The following MTUS2 variants were observed in gnomAD, a reference collection of about 807,000 sequenced individuals.
MTUS2 encodes the protein microtubule associated scaffold protein 2.
MTUS2 carries 40 observed loss-of-function variants against 114.1 expected under a neutral mutation model. The ratio of observed to expected loss-of-function variants is 0.35; its 90% CI spans 0.27 to 0.46. MTUS2 has a LOEUF of 0.46. Among genes scored for constraint, MTUS2 ranks in the 20% least tolerant of loss-of-function variants. MTUS2 has a pLI of 1.00. For synonymous variants in MTUS2, 688 were observed against 672.0 expected, an observed-to-expected ratio of 1.02 and a Z score of -0.37; for missense variants, 1,679 against 1,705.4, an observed-to-expected ratio of 0.98 and a Z score of 0.27.
rs759337479 is a variant in MTUS2 at position 29,324,650 on chromosome 13, T to C, written c.2844T>C (p.Asn948=). The C allele has an allele frequency of 1.9e-6, 3 of 1,596,134 alleles. No individual in the cohort carries two copies. The Admixed American group carries it at 5.2e-5, about 28-fold the overall frequency. ...KKDAQKDQDT[N]KPAVSSPKRV... is the part of the protein sequence containing the mutation. ...ATGCTCAGAAAGATCAAGATACGAA[T>C]AAACCTGCTGTTTCATCTCCTAAGA... Residue 948 remains asparagine (N), a synonymous_variant, in exon 7 of 16, where the codon AAT becomes AAC. Transcript: ENST00000612955.
At chr13:29,487,851 G>C (rs1364730946) in intron 10 of MTUS2, 49 bp from the exon 11 acceptor site, 4 of 1,430,208 alleles carry the variant, frequency 2.8e-6, no homozygotes, top group Non-Finnish European at 3.9e-6. Flanking sequence ...TTCCACTTCT[G>C]TTCTCCAAGC....
At chr13:29,057,499 T>A (rs1197742815) in intron 4 of MTUS2, among the ~76,000 whole-genome samples, 2 of 152,168 alleles carry the variant, frequency 1.3e-5, no homozygotes, top group Non-Finnish European at 2.9e-5. Context: ...TGCATATGTA[T>A]TTAGGATAGT....
chr13:28,878,670 T>C (rs1480978583), intron 2 of MTUS2, among the ~76,000 whole-genome samples: 1 of 152,256 alleles, frequency 6.6e-6, no homozygotes, highest in African/African-American at 2.4e-5. Context: ...CTCATTCCTT[T>C]TTATGGCTGC....
At chr13:29,464,204 C>T (rs1201928304) in intron 9 of MTUS2, among the ~76,000 whole-genome samples, 1 of 152,186 alleles carries the variant, frequency 6.6e-6, no homozygotes, top group Non-Finnish European at 1.5e-5. Flanking sequence ...GAGCAGGTGC[C>T]TGAGAGCAGA....
intron 5 of MTUS2, among the ~76,000 whole-genome samples, chr13:29,273,393 C>T (rs749854220): frequency 6.6e-6 from 1 of 152,062 alleles, no homozygotes; most frequent in Admixed American, 6.6e-5. Context: ...ACTGTAGTCA[C>T]AATGCAGGGA....
rs188536776 is a variant in MTUS2, at chr13:29,146,379, T to C, written c.2644+45409T>C. On this transcript the variant is annotated intron_variant, in intron 5 of 15. Coordinates refer to ENST00000612955, the MANE Select transcript of MTUS2 (RefSeq NM_001033602.4). ...TAACTTTAAGAACAAATTTGAGAAGTAAATATTTGAGAAGCAGTAACTATA... is the reference window on the plus strand; with the variant it reads ...TAACTTTAAGAACAAATTTGAGAAGCAAATATTTGAGAAGCAGTAACTATA... Among the ~76,000 whole-genome samples the C allele has an allele frequency of 3.8e-4, 58 of 152,364 alleles. 2 individuals carry two copies. The East Asian group carries it at 0.011, about 28-fold the overall frequency.
At chr13:29,239,567 G>A (rs1896659216) in intron 5 of MTUS2, 2 of 152,210 alleles carry the variant, frequency 1.3e-5, no homozygotes, top group African/African-American at 4.8e-5. Context: ...CAGTTATTGT[G>A]TTGGGTACTA....
chr13:29,274,469 T>C lies in MTUS2; in HGVS notation c.2645-7235T>C, dbSNP rs530413752. The stretch of plus-strand genomic sequence containing the variant: ...CTTTTCTCCAAAGCAGCTGCACCAT[T>C]TTATACTCCCATAGCAATGTATGAA... On this transcript the variant is annotated intron_variant, in intron 5 of 15. Transcript: ENST00000612955. Among the ~76,000 whole-genome samples the C allele has an allele frequency of 2.0e-5, 3 of 152,180 alleles. No homozygotes were observed. The East Asian group carries it at 5.8e-4, about 29-fold the overall frequency.
In MTUS2 at chr13:28,908,929, C is replaced by G. The variant is rs576830543; in HGVS notation, c.-243+69079C>G. Among the ~76,000 whole-genome samples, 82 of 151,670 alleles carry G rather than the reference C, an allele frequency of 5.4e-4. No individual in the cohort carries two copies. In the East Asian group the frequency reaches 0.015, roughly 27 times the overall value. On this transcript the variant is annotated intron_variant, in intron 2 of 15. Transcript: ENST00000612955. ...ATATGGCTAGCCAGTTTTCCCAGCA[C>G]CATTTATTAAATAGGGAATCCTTTC... is the stretch of plus-strand genomic sequence containing the variant.
intron 6 of MTUS2, among the ~76,000 whole-genome samples, chr13:29,288,231 G>A (rs1379287763): frequency 6.6e-6 from 1 of 152,222 alleles, no homozygotes; most frequent in Non-Finnish European, 1.5e-5. Context: ...GTGGCTCTGG[G>A]AATGGAGGCA....
rs751547783 is a variant in MTUS2 at position 29,025,279 on chromosome 13, A to G, written c.581A>G (p.His194Arg). 6.2e-6 allele frequency: 10 copies of G among 1,613,972 alleles called. No individual in the cohort carries two copies. Among genetic ancestry groups the G allele is most frequent in the Non-Finnish European group, 8.5e-6 (10 of 1,179,888 alleles). ...VAAVGSLTPQ[H>R]PQPLSLDSRE... is the part of the protein sequence containing the mutation. ...GCAGTCGGGAGCCTGACTCCGCAGC[A>G]TCCACAGCCTCTATCCCTCGACTCC... The change falls in exon 3 of 16, where the codon CAT becomes CGT. Residue 194 changes from histidine (H) to arginine (R), a missense_variant. Transcript: ENST00000612955.
chr13:29,490,797 C>A (rs1476295337), intron 11 of MTUS2, among the ~76,000 whole-genome samples: 1 of 152,282 alleles, frequency 6.6e-6, no homozygotes, highest in African/African-American at 2.4e-5. Context: ...AGCTCCGCTG[C>A]TTTCCTCAGC....
rs750053466 is a variant in MTUS2, at chr13:29,025,194, A to G, written c.496A>G (p.Thr166Ala). The G allele has an allele frequency of 1.9e-5, 31 of 1,613,786 alleles. No individual in the cohort carries two copies. The highest frequency in any genetic ancestry group is 3.3e-4 in the Middle Eastern group (2 of 6,084). The change falls in exon 3 of 16, where the codon ACC (threonine) becomes GCC (alanine). Residue 166 changes from threonine (T) to alanine (A), a missense_variant. This residue lies in a region of MTUS2 where 843 missense variants were observed against 770.8 expected (regional missense o/e 1.09). Transcript: ENST00000612955. ...RHVPKDKLAK[T>A]LDNEELRRHS... ...TGTTCCCAAGGATAAACTGGCAAAGACCCTTGACAATGAGGAACTGAGGAG... is the reference window on the plus strand; with the variant it reads ...TGTTCCCAAGGATAAACTGGCAAAGGCCCTTGACAATGAGGAACTGAGGAG...
At position 29,422,648 on chromosome 13, in the gene MTUS2, C is replaced by CTTTTTTT. The variant is rs11342823; in HGVS notation, c.3118-17316_3118-17310dup. 2.8e-3 allele frequency among the ~76,000 whole-genome samples: 189 copies of CTTTTTTT among 67,980 alleles called. 3 individuals carry two copies. The highest frequency in any genetic ancestry group is 4.9e-3 in the African/African-American group (85 of 17,260). 44.6% of individuals were successfully genotyped at this position (67,980 alleles called of 152,430 possible). ...AGCCTGTGATGTCATGATTTCTTTTCTTTTTTTTTTTTTTTTTTTTTTTTT... is the reference window on the plus strand; with the variant it reads ...AGCCTGTGATGTCATGATTTCTTTTCTTTTTTTTTTTTTTTTTTTTTTTTTTTTTTTT... On this transcript the variant is annotated intron_variant, in intron 8 of 15. Coordinates refer to ENST00000612955, the MANE Select transcript of MTUS2 (RefSeq NM_001033602.4).
intron 8 of MTUS2, among the ~76,000 whole-genome samples, chr13:29,391,797 T>C (rs1873500273): frequency 6.6e-6 from 1 of 152,170 alleles, no homozygotes; most frequent in Admixed American, 6.5e-5. Flanking sequence ...TGGCATTTCA[T>C]ACATTCATAT....
At chr13:29,000,776 C>T (rs1000004691) in intron 2 of MTUS2, among the ~76,000 whole-genome samples, 2 of 152,210 alleles carry the variant, frequency 1.3e-5, no homozygotes, top group African/African-American at 4.8e-5. Flanking sequence ...TTTGCCACTT[C>T]TCCCTCCTAA....
intron 4 of MTUS2, among the ~76,000 whole-genome samples, chr13:29,077,283 G>A (rs1889233290): frequency 6.6e-6 from 1 of 152,098 alleles, no homozygotes; most frequent in South Asian, 2.1e-4. Context: ...TCCAAGCAAG[G>A]TGAGAGAGGA....
intron 5 of MTUS2, among the ~76,000 whole-genome samples, chr13:29,169,786 A>G (rs1170712523): frequency 6.6e-6 from 1 of 152,154 alleles, no homozygotes; most frequent in African/African-American, 2.4e-5. Flanking sequence ...TTGCCCTCTT[A>G]CTGCATAAGG....
rs1883097805 is a variant in MTUS2 at position 29,504,386 on chromosome 13, G to C, written c.*1180G>C. 1 of 110,002 alleles carries C rather than the reference G, an allele frequency of 9.1e-6. No individual in the cohort carries two copies. The highest frequency in any genetic ancestry group is 1.6e-5 in the Non-Finnish European group (1 of 60,726). 6.8% of individuals were successfully genotyped at this position (110,002 alleles called of 1,614,324 possible). ...AGATGGCTCAGGGGTTCTAGCAGGG[G>C]CTTCCAGAAAAAAAAAACACCATTT... On this transcript the variant is annotated 3_prime_UTR_variant, in exon 16 of 16. Transcript: ENST00000612955.
Sources: gnomAD v4.1 joint callset for allele counts (sites outside exome capture counted in the v4.1 genomes callset) on GRCh38, gnomAD v4.1.1 for gene constraint, gnomAD v4.1.1 regional missense constraint, MANE v1.5 for transcripts, NCBI Gene and HGNC (gene_info 2026-07-23, HGNC 2026-07-21) for gene names.